Variants in ANKFN1 observed in about 807,000 individuals in gnomAD.
ANKFN1 encodes the protein ankyrin repeat and fibronectin type III domain containing 1.
In ANKFN1, 74 loss-of-function variants were observed where a neutral mutation model predicts 108.7. That is an observed-to-expected ratio of 0.68 (90% confidence interval 0.56 to 0.83). The LOEUF (loss-of-function observed/expected upper bound fraction) is 0.83. ANKFN1 is among the 40% of genes least tolerant of loss of function. The pLI is 0.00. For synonymous variants in ANKFN1, 547 were observed against 516.2 expected, an observed-to-expected ratio of 1.06 and a Z score of -0.81; for missense variants, 1,505 against 1,382.3, an observed-to-expected ratio of 1.09 and a Z score of -1.41.
chr17:56,386,696 C>G (rs943195740), intron 8 of ANKFN1, among the ~76,000 whole-genome samples: 2 of 145,266 alleles, frequency 1.4e-5, no homozygotes. Context: ...GAATTCAGTT[C>G]CTACTATACT....
chr17:56,210,165 T>C (rs1914876982), intron 1 of ANKFN1, among the ~76,000 whole-genome samples: 1 of 152,210 alleles, frequency 6.6e-6, no homozygotes. Flanking sequence ...TTGGACTTGT[T>C]CTATATTTTT....
intron 1 of ANKFN1, among the ~76,000 whole-genome samples, chr17:56,203,899 C>T (rs1914277350): frequency 1.3e-5 from 2 of 152,096 alleles, no homozygotes; most frequent in Admixed American, 6.5e-5. Context: ...AAAGGAAGCT[C>T]GTAGTGGGAT....
At chr17:56,426,171 C>T (rs1321338137) in intron 8 of ANKFN1, among the ~76,000 whole-genome samples, 2 of 152,188 alleles carry the variant, frequency 1.3e-5, no homozygotes, top group East Asian at 3.8e-4. Flanking sequence ...ACCTTACTCC[C>T]AAGATTTAAT....
At chr17:56,057,905 CTCCAT>C (rs1661425753) in intron 4 of ANKFN1, among the ~76,000 whole-genome samples, 1 of 152,310 alleles carries the variant, frequency 6.6e-6, no homozygotes, top group South Asian at 2.1e-4. Flanking sequence ...TCATCTTCTT[CTCCAT>C]CGGAGCTCTT....
chr17:56,097,770 C>G (rs1905561138), intron 4 of ANKFN1, among the ~76,000 whole-genome samples: 1 of 152,216 alleles, frequency 6.6e-6, no homozygotes, highest in Non-Finnish European at 1.5e-5. Context: ...TCTTGCCCCT[C>G]CTTTATCAGG....
At chr17:56,052,437 A>G (rs1690982868) in intron 4 of ANKFN1, among the ~76,000 whole-genome samples, 1 of 152,224 alleles carries the variant, frequency 6.6e-6, no homozygotes, top group African/African-American at 2.4e-5. Flanking sequence ...TGGCCTGCAG[A>G]AAAGAATAAA....
intron 4 of ANKFN1, among the ~76,000 whole-genome samples, chr17:56,053,845 T>C (rs1904819066): frequency 6.6e-6 from 1 of 152,158 alleles, no homozygotes. Flanking sequence ...TTTCCTTAAT[T>C]AATGAGGAAA....
At chr17:56,389,930 C>T (rs1265633109) in intron 8 of ANKFN1, among the ~76,000 whole-genome samples, 1 of 152,196 alleles carries the variant, frequency 6.6e-6, no homozygotes, top group Non-Finnish European at 1.5e-5. Context: ...ACGATGGTCC[C>T]TGTGCTGAGT....
At chr17:56,484,526 AG>A (rs1811690367) in intron 18 of ANKFN1, among the ~76,000 whole-genome samples, 1 of 152,120 alleles carries the variant, frequency 6.6e-6, no homozygotes, top group South Asian at 2.1e-4. Flanking sequence ...AGGAAATCAG[AG>A]GGGAAAAAAT....
intron 4 of ANKFN1, among the ~76,000 whole-genome samples, chr17:56,327,362 T>A (rs1274542329): frequency 6.6e-6 from 1 of 152,110 alleles, no homozygotes; most frequent in African/African-American, 2.4e-5. Context: ...ATAAGTGTCA[T>A]ATAGAGTTTA....
intron 4 of ANKFN1, among the ~76,000 whole-genome samples, chr17:56,053,520 G>A (rs1046179145): frequency 2.0e-5 from 3 of 152,100 alleles, no homozygotes; most frequent in Admixed American, 6.6e-5. Flanking sequence ...ACTCCATTGT[G>A]TATATATACT....
chr17:56,458,721 G>A (rs146101247), intron 14 of ANKFN1, among the ~76,000 whole-genome samples: 128 of 152,252 alleles, frequency 8.4e-4, no homozygotes, highest in African/African-American at 2.9e-3. Flanking sequence ...TGGGATTGGA[G>A]CCATTAAGAG....
intron 4 of ANKFN1, among the ~76,000 whole-genome samples, chr17:56,069,919 T>A (rs1043364433): frequency 1.3e-5 from 2 of 152,202 alleles, no homozygotes; most frequent in Non-Finnish European, 2.9e-5. Context: ...ATGTCTCCCC[T>A]TTTGAGACCA....
intron 3 of ANKFN1, among the ~76,000 whole-genome samples, chr17:56,233,749 A>G (rs1043891532): frequency 2.0e-5 from 3 of 151,882 alleles, no homozygotes; most frequent in African/African-American, 7.3e-5. Context: ...TATATACCTA[A>G]TATATAAAAT....
intron 4 of ANKFN1, among the ~76,000 whole-genome samples, chr17:56,109,628 C>A (rs1229342628): frequency 6.6e-6 from 1 of 152,188 alleles, no homozygotes; most frequent in East Asian, 1.9e-4. Context: ...CAATGAAATG[C>A]TCCCACATGA....
At chr17:56,486,578 T>C (rs956646497) in intron 18 of ANKFN1, among the ~76,000 whole-genome samples, 1 of 152,296 alleles carries the variant, frequency 6.6e-6, no homozygotes, top group Non-Finnish European at 1.5e-5. Flanking sequence ...TATAGGAACT[T>C]CCAAGGGCCT....
At chr17:56,367,125 T>C (rs1392859321) in intron 6 of ANKFN1, among the ~76,000 whole-genome samples, 2 of 152,318 alleles carry the variant, frequency 1.3e-5, no homozygotes, top group African/African-American at 4.8e-5. Context: ...TGTTACTAAA[T>C]TGAAAAATGG....
intron 17 of ANKFN1, among the ~76,000 whole-genome samples, chr17:56,481,694 A>G (rs541456592): frequency 1.3e-5 from 2 of 152,340 alleles, no homozygotes; most frequent in Admixed American, 6.5e-5. Context: ...TTTTAAGTCT[A>G]AAACAGCCAA....
At chr17:56,370,702 A>C (rs1005796419) in intron 6 of ANKFN1, among the ~76,000 whole-genome samples, 7 of 152,240 alleles carry the variant, frequency 4.6e-5, no homozygotes, top group Non-Finnish European at 1.0e-4. Context: ...ATGTCTAAAA[A>C]TACACAAATG....
Sources: gnomAD v4.1 joint callset for allele counts (sites outside exome capture counted in the v4.1 genomes callset) on GRCh38, gnomAD v4.1.1 for gene constraint, MANE v1.5 for transcripts, NCBI Gene and HGNC (gene_info 2026-07-23, HGNC 2026-07-21) for gene names.